Variants in POU6F2 observed in about 807,000 individuals in gnomAD.
POU6F2 encodes POU class 6 homeobox 2, also known as POU domain, class 6, transcription factor 2.
In POU6F2, 31 loss-of-function variants were observed where a neutral mutation model predicts 71.3. The ratio of observed to expected loss-of-function variants is 0.43; its 90% CI spans 0.33 to 0.59. The LOEUF (loss-of-function observed/expected upper bound fraction) is 0.59, where lower values mean the gene tolerates loss of function less well. Among genes scored for constraint, POU6F2 ranks in the 20% least tolerant of loss-of-function variants. The pLI is 0.04. For synonymous variants in POU6F2, 347 were observed against 355.7 expected (o/e 0.98, Z 0.27); for missense variants, 783 against 856.8 (o/e 0.91, Z 1.07).
intron 5 of POU6F2, among the ~76,000 whole-genome samples, chr7:39,376,145 C>G (rs1193269528): frequency 6.6e-6 from 1 of 152,102 alleles, no homozygotes; most frequent in Non-Finnish European, 1.5e-5. Context: ...CAATCTGTAG[C>G]TTATATTATT....
chr7:39,403,708 TGAG>T (rs1213265925), intron 5 of POU6F2, among the ~76,000 whole-genome samples: 2 of 152,348 alleles, frequency 1.3e-5, no homozygotes, highest in East Asian at 3.9e-4. Flanking sequence ...CCCGAGGTGA[TGAG>T]AAGAACACGT....
intron 2 of POU6F2, among the ~76,000 whole-genome samples, chr7:39,136,827 T>TAAA (rs112051805): frequency 7.3e-6 from 1 of 136,734 alleles, no homozygotes. Flanking sequence ...GATCCCATCT[T>TAAA]AAAAAAAAAA....
In POU6F2 at chr7:39,433,181, A is replaced by G. The variant is rs768819274; in HGVS notation, c.1218A>G (p.Thr406=). 2 of 1,613,668 alleles carry G rather than the reference A, an allele frequency of 1.2e-6. No individual in the cohort carries two copies. The highest frequency in any genetic ancestry group is 2.7e-5 in the African/African-American group (2 of 74,856). ...AGCCAATCACCCCCCAGCTCCTCAC[A>G]AACGCCCAGGGCCAGATCATCGCCA... ...QVQPITPQLL[T]NAQGQIIATV... The change falls in exon 7 of 10, where the codon ACA becomes ACG. Residue 406 remains threonine, a synonymous_variant. Coordinates refer to ENST00000518318, the MANE Select transcript of POU6F2 (RefSeq NM_001370959.1).
At chr7:38,990,483 C>T (rs191716993) in intron 1 of POU6F2, among the ~76,000 whole-genome samples, 1 of 152,144 alleles carries the variant, frequency 6.6e-6, no homozygotes, top group African/African-American at 2.4e-5. Context: ...GAGTGTACTC[C>T]TAAATATCTC....
intron 2 of POU6F2, among the ~76,000 whole-genome samples, chr7:39,093,931 T>C (rs1791403770): frequency 6.6e-6 from 1 of 152,154 alleles, no homozygotes; most frequent in Admixed American, 6.6e-5. Flanking sequence ...TCAAATTGTC[T>C]TACTGAATCT....
chr7:39,145,832 AT>A (rs1792610549), intron 2 of POU6F2, among the ~76,000 whole-genome samples: 1 of 152,162 alleles, frequency 6.6e-6, no homozygotes, highest in African/African-American at 2.4e-5. Context: ...TCCTCTATTC[AT>A]TTTTACTTAT....
rs564614436 is a variant in POU6F2 at position 39,220,143 on chromosome 7, C to T, written c.598+12523C>T. On this transcript the variant is annotated intron_variant, in intron 4 of 9. Transcript: ENST00000518318. ...CAGAAGGCAACCCCAGCAGCAGCCGCGACTGGAGTTTTATTTCCTTTGATT... is the reference window on the plus strand; with the variant it reads ...CAGAAGGCAACCCCAGCAGCAGCCGTGACTGGAGTTTTATTTCCTTTGATT... 5.3e-5 allele frequency among the ~76,000 whole-genome samples: 8 copies of T among 152,234 alleles called. No homozygotes were observed. The South Asian group carries it at 8.3e-4, about 16-fold the overall frequency.
chr7:39,338,361 T>G (rs997959674), intron 4 of POU6F2, among the ~76,000 whole-genome samples: 2 of 152,178 alleles, frequency 1.3e-5, no homozygotes, highest in African/African-American at 4.8e-5. Context: ...CCGGGGTACT[T>G]TCCAGGCCTC....
intron 4 of POU6F2, among the ~76,000 whole-genome samples, chr7:39,208,036 T>A (rs1475667818): frequency 1.3e-5 from 2 of 152,184 alleles, no homozygotes; most frequent in African/African-American, 4.8e-5. Context: ...ACATCTCAAA[T>A]ACAAGATATT....
At chr7:39,045,914 G>T (rs79359126) in intron 1 of POU6F2, among the ~76,000 whole-genome samples, 5,496 of 151,962 alleles carry the variant, frequency 0.036, 149 homozygotes, top group Middle Eastern at 0.078. Context: ...ATGTGGCTAT[G>T]ATCAGGCAGA....
intron 4 of POU6F2, among the ~76,000 whole-genome samples, chr7:39,234,189 AC>A (rs1278459782): frequency 2.0e-5 from 3 of 152,154 alleles, no homozygotes; most frequent in Non-Finnish European, 4.4e-5. Context: ...ATAAGATGGT[AC>A]CCTTGGGAGT....
In POU6F2 at chr7:39,406,648, A is replaced by G. The variant is rs376654925; in HGVS notation, c.1021A>G (p.Met341Val). 4.7e-5 allele frequency: 76 copies of G among 1,613,648 alleles called. No individual in the cohort carries two copies. The highest frequency in any genetic ancestry group is 4.7e-4 in the East Asian group (21 of 44,872). The change falls in exon 6 of 10, where the codon ATG becomes GTG. Residue 341 changes from methionine to valine, a missense_variant. Coordinates refer to ENST00000518318, the MANE Select transcript of POU6F2 (RefSeq NM_001370959.1). ...TCAGGCTGCAGCGGCTGCAGCAGCC[A>G]TGAGCTCCATAGCAAGCTCACAGGC... ...ASQAAAAAAA[M>V]SSIASSQAFG...
chr7:39,426,886 A>G (rs1456994362), intron 6 of POU6F2, among the ~76,000 whole-genome samples: 1 of 152,140 alleles, frequency 6.6e-6, no homozygotes, highest in Non-Finnish European at 1.5e-5. Flanking sequence ...TCCAGCACAT[A>G]GTCTAGTCCC....
chr7:39,339,082 TA>T lies in POU6F2; in HGVS notation c.599-545del, dbSNP rs1554344614. The stretch of plus-strand genomic sequence containing the variant: ...GAAGCATGTACTGCTTTTGAATTTT[TA>T]AAAAAAAAAAAAAACAGTTAGAAAT... On this transcript the variant is annotated intron_variant, in intron 4 of 9. Coordinates refer to ENST00000518318, the MANE Select transcript of POU6F2 (RefSeq NM_001370959.1). Among the ~76,000 whole-genome samples the T allele has an allele frequency of 7.3e-4, 105 of 143,964 alleles. 1 individual carries two copies. The highest frequency in any genetic ancestry group is 3.6e-3 in the Middle Eastern group (1 of 278). The allele number at this position is 143,964 out of a possible 152,430, so 94.4% of individuals were successfully genotyped here. A position where few individuals can be genotyped will look rare whatever the true frequency, so the allele number is the denominator to read the frequency against.
At chr7:39,334,350 CA>C (rs1785720658) in intron 4 of POU6F2, among the ~76,000 whole-genome samples, 1 of 152,012 alleles carries the variant, frequency 6.6e-6, no homozygotes, top group Admixed American at 6.6e-5. Context: ...GACTCCAAAA[CA>C]GGGAGGATTG....
At chr7:39,281,488 A>G (rs950471744) in intron 4 of POU6F2, among the ~76,000 whole-genome samples, 1 of 151,764 alleles carries the variant, frequency 6.6e-6, no homozygotes, top group Non-Finnish European at 1.5e-5. Flanking sequence ...GGGAACCACT[A>G]TTCTACTTTC....
intron 4 of POU6F2, among the ~76,000 whole-genome samples, chr7:39,279,947 A>G (rs548155354): frequency 1.2e-4 from 18 of 152,130 alleles, no homozygotes; most frequent in African/African-American, 2.9e-4. Context: ...GGGTTTCACT[A>G]TGTTGGCCAG....
At chr7:39,345,780 A>G (rs1389798856) in intron 5 of POU6F2, among the ~76,000 whole-genome samples, 2 of 152,246 alleles carry the variant, frequency 1.3e-5, no homozygotes, top group East Asian at 1.9e-4. Context: ...TACTATGGAA[A>G]AGAAAATCCA....
chr7:39,318,469 T>A (rs1339959718), intron 4 of POU6F2, among the ~76,000 whole-genome samples: 2 of 152,078 alleles, frequency 1.3e-5, no homozygotes, highest in Non-Finnish European at 2.9e-5. Flanking sequence ...GAATGAACAT[T>A]TCCAAAGAAA....
Sources: gnomAD v4.1 joint callset for allele counts (sites outside exome capture counted in the v4.1 genomes callset) on GRCh38, gnomAD v4.1.1 for gene constraint, MANE v1.5 for transcripts, NCBI Gene and HGNC (gene_info 2026-07-23, HGNC 2026-07-21) for gene names.